The following MEMO1 variants were observed in gnomAD, a reference collection of about 807,000 sequenced individuals.
MEMO1 encodes protein MEMO1.
Under a neutral mutation model 45.2 loss-of-function variants are expected in MEMO1, and 6 were observed. The observed-to-expected ratio is 0.13, with a 90% CI of 0.07 to 0.26. The LOEUF is 0.26. Among genes scored for constraint, MEMO1 ranks in the 10% least tolerant of loss-of-function variants. The probability of loss-of-function intolerance (pLI) is 1.00; values close to 1 mark genes in which losing one functional copy is unlikely to be tolerated. For missense variants in MEMO1, 184 were observed against 370.5 expected (o/e 0.50, Z 4.13); for synonymous variants, 78 against 124.3 (o/e 0.63, Z 2.48).
chr2:31,908,862 A>C (rs576049388), intron 6 of MEMO1, among the ~76,000 whole-genome samples: 28 of 152,336 alleles, frequency 1.8e-4, no homozygotes, highest in African/African-American at 6.7e-4. Flanking sequence ...AGCCCCCTCC[A>C]GCCTTCTTGT....
chr2:31,903,957 C>G (rs1039741933), intron 6 of MEMO1, among the ~76,000 whole-genome samples: 3 of 152,196 alleles, frequency 2.0e-5, no homozygotes, highest in African/African-American at 4.8e-5. Context: ...AGCACATCTA[C>G]TTTTCTCTAT....
At chr2:31,899,124 G>C (rs1420952002) in intron 6 of MEMO1, among the ~76,000 whole-genome samples, 4 of 152,150 alleles carry the variant, frequency 2.6e-5, no homozygotes, top group Admixed American at 2.0e-4. Flanking sequence ...GTAAGTTATA[G>C]ATTCAATGCT....
intron 2 of MEMO1, among the ~76,000 whole-genome samples, chr2:31,991,332 G>A (rs1671918476): frequency 6.6e-6 from 1 of 152,126 alleles, no homozygotes; most frequent in Non-Finnish European, 1.5e-5. Context: ...CAGCACTTTG[G>A]GAGCCGAGGT....
At chr2:31,926,201 T>C (rs1305125028) in intron 4 of MEMO1, among the ~76,000 whole-genome samples, 1 of 151,920 alleles carries the variant, frequency 6.6e-6, no homozygotes, top group East Asian at 1.9e-4. Flanking sequence ...ACCACATCTC[T>C]ACAAAAATAA....
At chr2:31,914,766 G>GAAT (rs1419797814) in intron 6 of MEMO1, among the ~76,000 whole-genome samples, 1 of 151,122 alleles carries the variant, frequency 6.6e-6, no homozygotes, top group Non-Finnish European at 1.5e-5. Flanking sequence ...TCAGCCTGAG[G>GAAT]AATAAAGTAA....
At chr2:31,885,924 GAA>G (rs1238909515) in intron 7 of MEMO1, among the ~76,000 whole-genome samples, 3 of 152,178 alleles carry the variant, frequency 2.0e-5, no homozygotes, top group Non-Finnish European at 4.4e-5. Flanking sequence ...AACAGTAAGT[GAA>G]AAGTCTATAC....
At position 32,010,958 on chromosome 2, in the gene MEMO1, T is replaced by A. The variant is rs543865463; in HGVS notation, c.-34A>T. 4 of 152,462 alleles carry A rather than the reference T, an allele frequency of 2.6e-5. No homozygotes were observed. Among genetic ancestry groups the A allele is most frequent in the African/African-American group, 7.2e-5 (3 of 41,568 alleles). The allele number at this position is 152,462 out of a possible 1,614,324, so 9.4% of individuals were successfully genotyped here. On this transcript the variant is annotated 5_prime_UTR_variant, in exon 1 of 10. Transcript: ENST00000404530. ...CTTCCTTACTCGCCACTCTAACGGG[T>A]CCTGCCCACTGAGCATGCCCAGCAC...
chr2:31,946,028 A>C (rs529464028), intron 2 of MEMO1, among the ~76,000 whole-genome samples: 1 of 152,170 alleles, frequency 6.6e-6, no homozygotes, highest in Non-Finnish European at 1.5e-5. Flanking sequence ...TACACGTGTC[A>C]TTCTGGTTTA....
intron 4 of MEMO1, among the ~76,000 whole-genome samples, chr2:31,924,446 TA>T (rs36009338): frequency 0.016 from 2,132 of 133,972 alleles, 26 homozygotes; most frequent in South Asian, 0.056. Flanking sequence ...ATACACAAGT[TA>T]AAAAAAAAAA....
intron 4 of MEMO1, among the ~76,000 whole-genome samples, chr2:31,928,512 A>T (rs1401115338): frequency 6.8e-6 from 1 of 147,504 alleles, no homozygotes; most frequent in Non-Finnish European, 1.5e-5. Context: ...GCGCCACTAC[A>T]CTCCAGCCTG....
At position 31,910,628 on chromosome 2, in the gene MEMO1, G is replaced by C. The variant is rs563577885; in HGVS notation, c.437+7298C>G. Among the ~76,000 whole-genome samples, 13 of 152,296 alleles carry C rather than the reference G, an allele frequency of 8.5e-5. 1 individual carries two copies. In the South Asian group the frequency reaches 2.7e-3, roughly 32 times the overall value. On this transcript the variant is annotated intron_variant, in intron 6 of 9. Coordinates refer to ENST00000404530, the MANE Select transcript of MEMO1 (RefSeq NM_001301833.4). ...GTAATCCTGTACTTTGGGAGGACAA[G>C]ACAGGAGGATCACTTGAGCCCATGA...
At chr2:31,991,465 G>C (rs1298970755) in intron 2 of MEMO1, among the ~76,000 whole-genome samples, 2 of 151,876 alleles carry the variant, frequency 1.3e-5, no homozygotes, top group African/African-American at 4.8e-5. Context: ...CAGCTACTTG[G>C]GAGACTAAGG....
At chr2:31,954,753 G>C (rs990854332) in intron 2 of MEMO1, among the ~76,000 whole-genome samples, 7 of 151,848 alleles carry the variant, frequency 4.6e-5, no homozygotes, top group African/African-American at 1.4e-4. Context: ...AGAATTGCTT[G>C]AACCCAGGAG....
At chr2:31,904,142 A>G (rs1679302761) in intron 6 of MEMO1, among the ~76,000 whole-genome samples, 1 of 152,176 alleles carries the variant, frequency 6.6e-6, no homozygotes, top group Admixed American at 6.5e-5. Flanking sequence ...GCTTTACCTG[A>G]GAGTTAACAT....
At chr2:31,919,971 T>C (rs1257227214) in intron 5 of MEMO1, among the ~76,000 whole-genome samples, 1 of 151,616 alleles carries the variant, frequency 6.6e-6, no homozygotes. Context: ...TGTGTGTGTG[T>C]GTGTGTACAT....
chr2:31,934,233 T>C (rs1001050091), intron 3 of MEMO1, among the ~76,000 whole-genome samples: 6 of 152,134 alleles, frequency 3.9e-5, no homozygotes, highest in Non-Finnish European at 1.5e-5. Flanking sequence ...CCACCTTAGA[T>C]CTTCTTTTCA....
rs1572782709 is a variant in MEMO1 at position 31,950,340 on chromosome 2, C to T, written c.62-6957G>A. Among the ~76,000 whole-genome samples the T allele has an allele frequency of 2.7e-5, 4 of 150,232 alleles. No individual in the cohort carries two copies. In the South Asian group the frequency reaches 8.4e-4, roughly 31 times the overall value. On this transcript the variant is annotated intron_variant, in intron 2 of 9. Transcript: ENST00000404530. Reference sequence around the variant, plus strand: ...AGGTTGCAGTGAGCAGAGATCACAGCACTGAACTCCAGCCTGGGCAGCAGA... The same window carrying T: ...AGGTTGCAGTGAGCAGAGATCACAGTACTGAACTCCAGCCTGGGCAGCAGA...
chr2:32,009,096 C>G lies in MEMO1; in HGVS notation c.61+1091G>C, dbSNP rs146280937. Among the ~76,000 whole-genome samples the G allele has an allele frequency of 4.4e-3, 674 of 152,090 alleles. 4 individuals are homozygous for G. Among genetic ancestry groups the G allele is most frequent in the African/African-American group, 0.015 (641 of 41,464 alleles). Reference sequence around the variant, plus strand: ...GAAATGTGACTCCTGAAAATAATCCCAGAAAACAGGCATTCTAACAAGCAC... The same window carrying G: ...GAAATGTGACTCCTGAAAATAATCCGAGAAAACAGGCATTCTAACAAGCAC... On this transcript the variant is annotated intron_variant, in intron 2 of 9. Transcript: ENST00000404530.
In MEMO1 at chr2:31,992,258, T is replaced by C. The variant is rs147859453; in HGVS notation, c.61+17929A>G. On this transcript the variant is annotated intron_variant, in intron 2 of 9. Coordinates refer to ENST00000404530, the MANE Select transcript of MEMO1 (RefSeq NM_001301833.4). ...CCATTTTTTTATAGATCAAGTTTTA[T>C]TGAAGCACAGCCAGTTATTCACTTA... is the stretch of plus-strand genomic sequence containing the variant. Among the ~76,000 whole-genome samples, 15 of 152,342 alleles carry C rather than the reference T, an allele frequency of 9.8e-5. No individual in the cohort carries two copies. In the East Asian group the frequency reaches 1.3e-3, roughly 14 times the overall value.
Sources: gnomAD v4.1 joint callset for allele counts (sites outside exome capture counted in the v4.1 genomes callset) on GRCh38, gnomAD v4.1.1 for gene constraint, MANE v1.5 for transcripts, NCBI Gene and HGNC (gene_info 2026-07-23, HGNC 2026-07-21) for gene names.